Variants in TTC29 observed in about 807,000 individuals in gnomAD.
TTC29 encodes the protein tetratricopeptide repeat protein 29.
Under a neutral mutation model 58.1 loss-of-function variants are expected in TTC29, and 49 were observed. That is an observed-to-expected ratio of 0.84 (90% CI 0.67 to 1.07). TTC29 has a LOEUF of 1.07. TTC29 is among the 50% of genes least tolerant of loss of function. The probability of loss-of-function intolerance (pLI) is 0.00; values close to 1 mark genes in which losing one functional copy is unlikely to be tolerated. For missense variants in TTC29, 582 were observed against 555.6 expected, an observed-to-expected ratio of 1.05 and a Z score of -0.48; for synonymous variants, 209 against 196.8, an observed-to-expected ratio of 1.06 and a Z score of -0.52.
At chr4:146,926,403 T>C (rs1347577550) in intron 4 of TTC29, among the ~76,000 whole-genome samples, 1 of 152,214 alleles carries the variant, frequency 6.6e-6, no homozygotes, top group Non-Finnish European at 1.5e-5. Flanking sequence ...CATATTTACA[T>C]ACTTTATTTA....
At chr4:146,838,150 C>A (rs1028804796) in intron 8 of TTC29, among the ~76,000 whole-genome samples, 3 of 152,024 alleles carry the variant, frequency 2.0e-5, no homozygotes, top group Admixed American at 2.0e-4. Context: ...AATAGATGTA[C>A]TTGGTAAAAA....
intron 11 of TTC29, among the ~76,000 whole-genome samples, chr4:146,711,021 A>G (rs1197428692): frequency 6.6e-6 from 1 of 152,128 alleles, no homozygotes; most frequent in East Asian, 1.9e-4. Context: ...AATGGAGAAG[A>G]CATTACCTGG....
chr4:146,794,195 G>A (rs191184938), intron 11 of TTC29, among the ~76,000 whole-genome samples: 18 of 152,218 alleles, frequency 1.2e-4, no homozygotes, highest in African/African-American at 4.3e-4. Context: ...GACGAATGAA[G>A]TCATTCACAT....
chr4:146,883,022 A>G lies in TTC29; in HGVS notation c.587-8094T>C, dbSNP rs1430670662. ...TACTTCATCACCCTCAGGTGTTAGT[A>G]TATTTTTGAGATGAGGAAACTGAGC... On this transcript the variant is annotated intron_variant, in intron 6 of 12. Transcript: ENST00000325106. Among the ~76,000 whole-genome samples the G allele has an allele frequency of 2.6e-5, 4 of 151,980 alleles. No homozygotes were observed. In the East Asian group the frequency reaches 7.7e-4, roughly 29 times the overall value.
chr4:146,775,312 A>C (rs768959675), intron 11 of TTC29, among the ~76,000 whole-genome samples: 2 of 152,114 alleles, frequency 1.3e-5, no homozygotes, highest in Non-Finnish European at 2.9e-5. Flanking sequence ...GTTATTATGC[A>C]GACTTGATTG....
At chr4:146,896,926 C>T (rs1299395955) in intron 6 of TTC29, among the ~76,000 whole-genome samples, 7 of 152,118 alleles carry the variant, frequency 4.6e-5, no homozygotes, top group Non-Finnish European at 7.4e-5. Flanking sequence ...TATGAAGATA[C>T]GAAGCAGTTT....
chr4:146,799,540 A>G (rs1750062873), intron 11 of TTC29, among the ~76,000 whole-genome samples: 1 of 152,222 alleles, frequency 6.6e-6, no homozygotes, highest in Non-Finnish European at 1.5e-5. Context: ...TAAGAATACT[A>G]AATGATGCAT....
At chr4:146,885,603 T>C (rs924444241) in intron 6 of TTC29, among the ~76,000 whole-genome samples, 1 of 152,116 alleles carries the variant, frequency 6.6e-6, no homozygotes, top group Non-Finnish European at 1.5e-5. Context: ...TTAGATTACT[T>C]CTTTAAGTAA....
At chr4:146,897,609 C>T (rs188026071) in intron 6 of TTC29, among the ~76,000 whole-genome samples, 2 of 152,264 alleles carry the variant, frequency 1.3e-5, no homozygotes, top group East Asian at 3.9e-4. Context: ...AAGGCTTTGC[C>T]ATGTCATATT....
chr4:146,847,425 C>T (rs1451421592), intron 8 of TTC29, among the ~76,000 whole-genome samples: 5 of 152,114 alleles, frequency 3.3e-5, no homozygotes, highest in Non-Finnish European at 2.9e-5. Flanking sequence ...ATAATCTATC[C>T]ATAATTGATG....
chr4:146,759,007 G>A (rs1579609334), intron 11 of TTC29, among the ~76,000 whole-genome samples: 1 of 151,884 alleles, frequency 6.6e-6, no homozygotes, highest in Non-Finnish European at 1.5e-5. Flanking sequence ...AGAACTAAAT[G>A]AAATTGAAAT....
At chr4:146,934,885 T>C (rs916169883) in intron 4 of TTC29, among the ~76,000 whole-genome samples, 1 of 151,984 alleles carries the variant, frequency 6.6e-6, no homozygotes, top group Admixed American at 6.6e-5. Context: ...TAAAGAGGCA[T>C]TTCAGTAAGT....
chr4:146,882,284 T>C (rs963480417), intron 6 of TTC29, among the ~76,000 whole-genome samples: 3 of 152,142 alleles, frequency 2.0e-5, no homozygotes, highest in African/African-American at 7.2e-5. Context: ...ATCTAAGTTT[T>C]GTAATTTCTA....
chr4:146,876,916 C>A (rs1316596243), intron 6 of TTC29, among the ~76,000 whole-genome samples: 1 of 119,542 alleles, frequency 8.4e-6, no homozygotes. Context: ...AGCCTGTCAA[C>A]AGAGCAAGAC....
chr4:146,825,356 T>C (rs1727714758), intron 9 of TTC29, among the ~76,000 whole-genome samples: 1 of 152,220 alleles, frequency 6.6e-6, no homozygotes, highest in Non-Finnish European at 1.5e-5. Flanking sequence ...AATTTCGTTA[T>C]TTATCCAGTA....
chr4:146,821,985 G>GTTTTTTTTTTTTTTTTTT (rs34100285), intron 9 of TTC29, among the ~76,000 whole-genome samples: 1 of 109,596 alleles, frequency 9.1e-6, no homozygotes. Flanking sequence ...CATGTCTAGT[G>GTTTTTTTTTTTTTTTTTT]TTTTTTTTTT....
intron 11 of TTC29, among the ~76,000 whole-genome samples, chr4:146,790,869 C>T (rs1399280558): frequency 6.6e-6 from 1 of 152,182 alleles, no homozygotes; most frequent in Non-Finnish European, 1.5e-5. Flanking sequence ...AATTCACCCA[C>T]CAACATGTAT....
intron 11 of TTC29, among the ~76,000 whole-genome samples, chr4:146,729,831 C>T (rs1172736431): frequency 6.6e-6 from 1 of 151,958 alleles, no homozygotes; most frequent in African/African-American, 2.4e-5. Context: ...TGAGAACTCA[C>T]TATCATGAGA....
intron 4 of TTC29, among the ~76,000 whole-genome samples, chr4:146,927,087 A>AAAAAT (rs1243328433): frequency 5.3e-5 from 8 of 151,590 alleles, no homozygotes; most frequent in Admixed American, 5.3e-4. Context: ...TCTCAAAAAA[A>AAAAAT]AAAAAAAGAA....
Sources: gnomAD v4.1 joint callset for allele counts (sites outside exome capture counted in the v4.1 genomes callset) on GRCh38, gnomAD v4.1.1 for gene constraint, MANE v1.5 for transcripts, NCBI Gene and HGNC (gene_info 2026-07-23, HGNC 2026-07-21) for gene names.